PTPRG: variants seen among roughly 807,000 people sequenced by gnomAD.
PTPRG encodes receptor-type tyrosine-protein phosphatase gamma.
PTPRG carries 102 observed loss-of-function variants against 165.3 expected under a neutral mutation model. That is an observed-to-expected ratio of 0.62 (90% CI 0.53 to 0.73). The LOEUF is 0.73. PTPRG is among the 30% of genes least tolerant of loss of function. The pLI, the probability that PTPRG is intolerant of heterozygous loss-of-function variation, is 0.00. For synonymous variants in PTPRG, 675 were observed against 669.5 expected (o/e 1.01, Z -0.13); for missense variants, 1,866 against 1,861.4 (o/e 1.00, Z -0.05).
chr3:62,000,018 G>A (rs1171389419), intron 3 of PTPRG, among the ~76,000 whole-genome samples: 2 of 152,032 alleles, frequency 1.3e-5, no homozygotes, highest in Non-Finnish European at 1.5e-5. Context: ...CCCCAGGCCC[G>A]GGCTGGGCAC....
intron 2 of PTPRG, among the ~76,000 whole-genome samples, chr3:61,815,330 A>G (rs2035724333): frequency 6.6e-6 from 1 of 152,062 alleles, no homozygotes; most frequent in Admixed American, 6.5e-5. Context: ...GAACCACTTC[A>G]GCCTGGGAGG....
chr3:61,586,255 T>TAA (rs879422992), intron 1 of PTPRG, among the ~76,000 whole-genome samples: 1 of 138,678 alleles, frequency 7.2e-6, no homozygotes, highest in Non-Finnish European at 1.6e-5. Context: ...CAGTGGGAAA[T>TAA]AAAAAAAAAA....
At chr3:61,621,098 G>A (rs1701446857) in intron 1 of PTPRG, among the ~76,000 whole-genome samples, 2 of 137,184 alleles carry the variant, frequency 1.5e-5, no homozygotes, top group Admixed American at 7.7e-5. Flanking sequence ...TATCTGTTAT[G>A]TTCTTATACT....
intron 28 of PTPRG, among the ~76,000 whole-genome samples, chr3:62,290,848 A>T: frequency 6.6e-6 from 1 of 152,196 alleles, no homozygotes; most frequent in East Asian, 1.9e-4. Flanking sequence ...TTTAAAATAC[A>T]AGGTTAGAGA....
intron 2 of PTPRG, among the ~76,000 whole-genome samples, chr3:61,861,826 C>T (rs2037279468): frequency 1.3e-5 from 2 of 152,176 alleles, no homozygotes; most frequent in Non-Finnish European, 2.9e-5. Flanking sequence ...TTTGATTGCA[C>T]TATTTAAATT....
chr3:61,671,782 C>A (rs1290038018), intron 1 of PTPRG, among the ~76,000 whole-genome samples: 15 of 141,962 alleles, frequency 1.1e-4, no homozygotes, highest in South Asian at 4.6e-4. Flanking sequence ...ACCCCCCCAC[C>A]TCCCTCCCGG....
chr3:61,680,588 T>C (rs7650306), intron 1 of PTPRG, among the ~76,000 whole-genome samples: 38,199 of 112,516 alleles, frequency 0.34, 6,378 homozygotes, highest in African/African-American at 0.51. Flanking sequence ...ATGAAGTTTT[T>C]CATTCTGTCC....
chr3:61,816,974 T>TTA (rs923332355), intron 2 of PTPRG, among the ~76,000 whole-genome samples: 3 of 135,658 alleles, frequency 2.2e-5, no homozygotes, highest in East Asian at 2.0e-4. Flanking sequence ...CAGTAATCAC[T>TTA]TATATATATA....
intron 3 of PTPRG, among the ~76,000 whole-genome samples, chr3:61,997,436 C>T (rs952001007): frequency 2.0e-5 from 3 of 152,178 alleles, no homozygotes; most frequent in Non-Finnish European, 4.4e-5. Context: ...CCATCCTGCT[C>T]TCTGGGTACC....
chr3:62,177,122 C>CTT (rs1217808514), intron 8 of PTPRG, among the ~76,000 whole-genome samples: 1 of 151,224 alleles, frequency 6.6e-6, no homozygotes, highest in Admixed American at 6.6e-5. Context: ...AAAAATTTAT[C>CTT]TTTTTTTTAA....
chr3:61,584,133 A>G (rs1700376066), intron 1 of PTPRG, among the ~76,000 whole-genome samples: 1 of 152,216 alleles, frequency 6.6e-6, no homozygotes. Context: ...TGGAGGAGAC[A>G]TGCTGATAAC....
intron 1 of PTPRG, among the ~76,000 whole-genome samples, chr3:61,680,659 A>G (rs561454771): frequency 3.2e-4 from 48 of 151,680 alleles, no homozygotes; most frequent in African/African-American, 1.1e-3. Context: ...AAAAGAGGGC[A>G]TGGAAAAACC....
At chr3:62,206,825 G>C (rs868495537) in intron 12 of PTPRG, among the ~76,000 whole-genome samples, 2 of 150,968 alleles carry the variant, frequency 1.3e-5, no homozygotes, top group African/African-American at 4.9e-5. Context: ...CCAGCCACTC[G>C]GGAGGCTGAG....
At chr3:61,632,176 C>T (rs138817925) in intron 1 of PTPRG, among the ~76,000 whole-genome samples, 7 of 152,236 alleles carry the variant, frequency 4.6e-5, no homozygotes, top group South Asian at 4.1e-4. Flanking sequence ...GGTATGGTGG[C>T]GTGTGTCTGT....
chr3:62,086,682 C>G (rs931924167), intron 5 of PTPRG, among the ~76,000 whole-genome samples: 3 of 151,982 alleles, frequency 2.0e-5, no homozygotes, highest in African/African-American at 7.2e-5. Flanking sequence ...ATTAAGAAGA[C>G]TTTTTTTTAA....
chr3:61,776,789 T>A (rs1575655322), intron 2 of PTPRG, among the ~76,000 whole-genome samples: 1 of 152,178 alleles, frequency 6.6e-6, no homozygotes, highest in East Asian at 1.9e-4. Flanking sequence ...TCTTCTTGTG[T>A]ATTAAAGTCC....
intron 1 of PTPRG, among the ~76,000 whole-genome samples, chr3:61,590,552 G>GT (rs1381316591): frequency 1.3e-5 from 2 of 151,938 alleles, no homozygotes; most frequent in African/African-American, 2.4e-5. Flanking sequence ...ACATAAATAC[G>GT]TTTTTTTCTT....
At chr3:62,096,495 T>C (rs1327777542) in intron 5 of PTPRG, among the ~76,000 whole-genome samples, 1 of 152,234 alleles carries the variant, frequency 6.6e-6, no homozygotes, top group Admixed American at 6.5e-5. Flanking sequence ...CTTCTGGTTC[T>C]GTTTTAATTT....
At chr3:62,007,799 C>T (rs1211935434) in intron 4 of PTPRG, among the ~76,000 whole-genome samples, 1 of 152,166 alleles carries the variant, frequency 6.6e-6, no homozygotes, top group African/African-American at 2.4e-5. Flanking sequence ...GTTGGAGCTT[C>T]CTAGTAGAAT....
Sources: allele counts gnomAD v4.1 joint callset (sites outside exome capture counted in the v4.1 genomes callset), GRCh38; gene constraint gnomAD v4.1.1; transcripts MANE v1.5; gene names NCBI Gene and HGNC (gene_info 2026-07-23, HGNC 2026-07-21).